RPL28: variants seen among roughly 807,000 people sequenced by gnomAD.
RPL28 encodes large ribosomal subunit protein eL28.
Under a neutral mutation model 12.5 loss-of-function variants are expected in RPL28, and 4 were observed. The observed-to-expected ratio is 0.32, with a 90% confidence interval of 0.16 to 0.73. RPL28 has a LOEUF of 0.73. RPL28 is among the 30% of genes least tolerant of loss of function. The probability of loss-of-function intolerance (pLI) is 0.66; values close to 1 mark genes in which losing one functional copy is unlikely to be tolerated. For synonymous variants in RPL28, 91 were observed against 72.5 expected, an observed-to-expected ratio of 1.26 and a Z score of -1.30; for missense variants, 214 against 197.7, an observed-to-expected ratio of 1.08 and a Z score of -0.49.
At chr19:55,396,704 C>T (rs2090026394), downstream of RPL28, among the ~76,000 whole-genome samples, 1 of 147,138 alleles carries the variant, frequency 6.8e-6, no homozygotes, top group Non-Finnish European at 1.5e-5. Flanking sequence ...CCTCAGCCTC[C>T]CGAGTAACTG....
At chr19:55,392,696 G>GT (rs1184811705), downstream of RPL28, among the ~76,000 whole-genome samples, 1 of 151,888 alleles carries the variant, frequency 6.6e-6, no homozygotes, top group Non-Finnish European at 1.5e-5. Flanking sequence ...CCGGCTAAAT[G>GT]TTTTTTGTAT....
downstream of RPL28, among the ~76,000 whole-genome samples, chr19:55,393,088 C>A (rs573576280): frequency 8.5e-4 from 130 of 152,190 alleles, 1 homozygote; most frequent in African/African-American, 3.1e-3. Context: ...CCAGCCATCC[C>A]TAGCATGTCT....
At chr19:55,386,531 G>A (rs2123273571) in intron 2 of RPL28, 39 bp from the exon 3 acceptor site, 2 of 1,600,552 alleles carry the variant, frequency 1.2e-6, no homozygotes, top group Middle Eastern at 1.7e-4. Flanking sequence ...ATGTCTCCGG[G>A]TCCCTTATTC....
rs1038180792 is a variant in RPL28 at position 55,389,218 on chromosome 19, G to C, written c.*886G>C. The C allele has an allele frequency of 5.3e-6, 5 of 934,954 alleles. No individual in the cohort carries two copies. Among genetic ancestry groups the C allele is most frequent in the Non-Finnish European group, 5.1e-6 (4 of 783,988 alleles). The allele number at this position is 934,954 out of a possible 1,614,324, so 57.9% of individuals were successfully genotyped here. On this transcript the variant is annotated 3_prime_UTR_variant, in exon 5 of 5. Coordinates refer to ENST00000344063, the MANE Select transcript of RPL28 (RefSeq NM_000991.5). ...AATAAAATTAGCTGGGTGTGGTGGT[G>C]CACCGCCTGTGGTCCCAGCTCCTCA... is the stretch of plus-strand genomic sequence containing the variant.
In RPL28 at chr19:55,390,216, T is replaced by TC. The variant is rs2123285896; in HGVS notation, c.*1884_*1885insC. 1 of 984,698 alleles carries TC rather than the reference T, an allele frequency of 1.0e-6. No individual in the cohort carries two copies. Among genetic ancestry groups the TC allele is most frequent in the East Asian group, 1.1e-4 (1 of 8,806 alleles). 61.0% of individuals were successfully genotyped at this position (984,698 alleles called of 1,614,324 possible). On this transcript the variant is annotated 3_prime_UTR_variant, in exon 5 of 5. Transcript: ENST00000344063. ...CCTGAGAGTTTGCTCACTGGAGACT[T>TC]TCTGGAGATGGAGTCTCGCTCTGTT...
At chr19:55,401,793 T>C in intron 4 of RPL28, 1 of 1,611,662 alleles carries the variant, frequency 6.2e-7, no homozygotes, top group East Asian at 2.2e-5. Context: ...TCACAGTGGG[T>C]CGGGCAACCT....
At chr19:55,386,214 C>A in intron 1 of RPL28, 136 bp from the exon 2 acceptor site, 1 of 759,236 alleles carries the variant, frequency 1.3e-6, no homozygotes, top group Non-Finnish European at 2.2e-6. Flanking sequence ...TTCTAGGTCG[C>A]TGTCTGCCCT....
Position 55,391,350 on chromosome 19 carries a change from T to A in RPL28, c.*3018T>A. The A allele has an allele frequency of 8.9e-7, 1 of 1,126,628 alleles. No individual in the cohort carries two copies. The highest frequency in any genetic ancestry group is 1.1e-6 in the Non-Finnish European group (1 of 890,086). The allele number at this position is 1,126,628 out of a possible 1,614,324, so 69.8% of individuals were successfully genotyped here. A position where few individuals can be genotyped will look rare whatever the true frequency, so the allele number is the denominator to read the frequency against. On this transcript the variant is annotated 3_prime_UTR_variant, in exon 5 of 5. Transcript: ENST00000344063. ...CAGTTTCCCATATGTAAAAGGCCAT[T>A]TTGAGTGCCTTTCACAGCCCTGCAT...
At chr19:55,395,547 C>T (rs1394958623), downstream of RPL28, among the ~76,000 whole-genome samples, 1 of 151,154 alleles carries the variant, frequency 6.6e-6, no homozygotes, top group Admixed American at 6.6e-5. Flanking sequence ...GGGTTCACGC[C>T]ATTCTCCTGC....
rs202146979 is a variant in RPL28, at chr19:55,386,671, G to T, written c.183G>T (p.Val61=). ...CGGCAGCCGACGGCAAAGGTGTCGT[G>T]GTGGTCATTAAGCGGAGATCCGGTG... is the stretch of plus-strand genomic sequence containing the variant. ...VEPAADGKGV[V]VVIKRRSGQR... Residue 61 remains valine, a synonymous_variant, in exon 3 of 5, where the codon GTG becomes GTT. Coordinates refer to ENST00000344063, the MANE Select transcript of RPL28 (RefSeq NM_000991.5). 1.9e-6 allele frequency: 3 copies of T among 1,614,072 alleles called. No homozygotes were observed. The African/African-American group carries it at 4.0e-5, about 22-fold the overall frequency.
Position 55,389,961 on chromosome 19 carries a change from T to C in RPL28, c.*1629T>C, listed in dbSNP as rs771448734. On this transcript the variant is annotated 3_prime_UTR_variant, in exon 5 of 5. Transcript: ENST00000344063. Reference sequence around the variant, plus strand: ...GCCTCACTGCGCTGGGACTCCGCCTTCATAAGGAGAGCTCACTGCTCACGT... The same window carrying C: ...GCCTCACTGCGCTGGGACTCCGCCTCCATAAGGAGAGCTCACTGCTCACGT... The C allele has an allele frequency of 1.0e-5, 10 of 985,334 alleles. No individual in the cohort carries two copies. The highest frequency in any genetic ancestry group is 1.2e-5 in the Non-Finnish European group (10 of 829,970). The allele number at this position is 985,334 out of a possible 1,614,324, so 61.0% of individuals were successfully genotyped here.
downstream of RPL28, among the ~76,000 whole-genome samples, chr19:55,395,894 A>G (rs2090019686): frequency 6.6e-6 from 1 of 152,140 alleles, no homozygotes; most frequent in Non-Finnish European, 1.5e-5. Context: ...AATGCAAGGA[A>G]ATTTATATAT....
intron 4 of RPL28, chr19:55,399,789 C>T (rs1324088817): frequency 6.6e-6 from 1 of 152,218 alleles, no homozygotes; most frequent in African/African-American, 2.4e-5. Context: ...TAAATTATTT[C>T]AGTGGGTTCC....
chr19:55,387,788 C>T, intron 3 of RPL28, 142 bp from the exon 4 acceptor site: 4 of 1,463,648 alleles, frequency 2.7e-6, no homozygotes, highest in Non-Finnish European at 3.6e-6. Flanking sequence ...GGTGGGAAAA[C>T]AGCTACCTGC....
chr19:55,400,859 A>C (rs2090051792), intron 4 of RPL28: 1 of 153,538 alleles, frequency 6.5e-6, no homozygotes, highest in South Asian at 2.0e-4. Flanking sequence ...AGCACAAAGC[A>C]GGATCAGATG....
chr19:55,399,044 G>A (rs1193827311), intron 4 of RPL28, among the ~76,000 whole-genome samples: 1 of 152,140 alleles, frequency 6.6e-6, no homozygotes, highest in Non-Finnish European at 1.5e-5. Flanking sequence ...CTGGAGTGCA[G>A]TGGTACGATC....
intron 4 of RPL28, chr19:55,400,209 G>C (rs1185473924): frequency 2.0e-5 from 3 of 152,180 alleles, no homozygotes; most frequent in Admixed American, 1.3e-4. Flanking sequence ...ACTTTTTGTA[G>C]AGATGGGATC....
downstream of RPL28, among the ~76,000 whole-genome samples, chr19:55,396,480 CCCCTCCCCTCCCCA>C (rs1569045522): frequency 1.5e-3 from 20 of 12,974 alleles, no homozygotes; most frequent in African/African-American, 4.1e-3. Context: ...AAAGTTCTCC[CCCCTCCCCTCCCCA>C]CCCCTCCCCT....
chr19:55,386,957 C>T lies in RPL28; in HGVS notation c.205+264C>T. 5 of 1,455,696 alleles carry T rather than the reference C, an allele frequency of 3.4e-6. No individual in the cohort carries two copies. In the South Asian group the frequency reaches 4.2e-5, roughly 12 times the overall value. The allele number at this position is 1,455,696 out of a possible 1,614,324, so 90.2% of individuals were successfully genotyped here. A position where few individuals can be genotyped will look rare whatever the true frequency, so the allele number is the denominator to read the frequency against. ...TCGGTGGTTGTTGAGAGTTAAGGCA[C>T]GGGGTTGATGTTTTCAGATGAAATT... On this transcript the variant is annotated intron_variant, in intron 3 of 4. Transcript: ENST00000344063.
Sources: allele counts gnomAD v4.1 joint callset (sites outside exome capture counted in the v4.1 genomes callset), GRCh38; gene constraint gnomAD v4.1.1; transcripts MANE v1.5; gene names NCBI Gene and HGNC (gene_info 2026-07-23, HGNC 2026-07-21).